Variants in LRRC1 observed in about 807,000 individuals in gnomAD.
The protein encoded by LRRC1 is leucine-rich repeat-containing protein 1.
LRRC1 carries 28 observed loss-of-function variants against 69.9 expected under a neutral mutation model. The observed-to-expected ratio is 0.40, with a 90% CI of 0.30 to 0.55. LRRC1 has a LOEUF of 0.55. Ranked by LOEUF, LRRC1 falls within the 20% of genes least tolerant of loss-of-function variation. LRRC1 has a pLI of 0.47. For missense variants in LRRC1, 498 were observed against 609.0 expected, an observed-to-expected ratio of 0.82 and a Z score of 1.92; for synonymous variants, 236 against 240.2, an observed-to-expected ratio of 0.98 and a Z score of 0.16.
intron 11 of LRRC1, among the ~76,000 whole-genome samples, chr6:53,918,401 T>C (rs955754948): frequency 6.6e-6 from 1 of 152,274 alleles, no homozygotes; most frequent in African/African-American, 2.4e-5. Context: ...GTATTGTTAC[T>C]GTAAAAAGTT....
intron 3 of LRRC1, among the ~76,000 whole-genome samples, chr6:53,881,596 G>A (rs2127430947): frequency 6.6e-6 from 1 of 152,088 alleles, no homozygotes; most frequent in East Asian, 1.9e-4. Flanking sequence ...TGATCTTGTG[G>A]GTCTGGATTT....
At chr6:53,917,001 G>A (rs1768586226) in intron 11 of LRRC1, among the ~76,000 whole-genome samples, 1 of 152,190 alleles carries the variant, frequency 6.6e-6, no homozygotes, top group Admixed American at 6.5e-5. Flanking sequence ...ATAGAACACA[G>A]AGATGCCTGC....
At chr6:53,902,338 G>A (rs1768086582) in intron 8 of LRRC1, among the ~76,000 whole-genome samples, 1 of 152,156 alleles carries the variant, frequency 6.6e-6, no homozygotes, top group African/African-American at 2.4e-5. Context: ...TCCACGGAGA[G>A]AAAGCTGTTT....
intron 1 of LRRC1, among the ~76,000 whole-genome samples, chr6:53,841,096 G>C (rs912583302): frequency 4.6e-5 from 7 of 152,294 alleles, no homozygotes; most frequent in Admixed American, 4.6e-4. Flanking sequence ...AGGGAGAAGA[G>C]AGGGTGGGAT....
intron 1 of LRRC1, among the ~76,000 whole-genome samples, chr6:53,814,261 GA>G (rs1355415491): frequency 6.6e-6 from 1 of 152,152 alleles, no homozygotes; most frequent in African/African-American, 2.4e-5. Flanking sequence ...ATTGTTGTTA[GA>G]TGGTAGTGAA....
chr6:53,877,374 G>A (rs1485397463), intron 2 of LRRC1, among the ~76,000 whole-genome samples: 4 of 152,162 alleles, frequency 2.6e-5, no homozygotes, highest in Non-Finnish European at 5.9e-5. Context: ...AGACATTTTT[G>A]TCATTGTCTC....
intron 2 of LRRC1, among the ~76,000 whole-genome samples, chr6:53,875,754 T>G (rs192087604): frequency 1.3e-5 from 2 of 152,182 alleles, no homozygotes. Context: ...GTTTTTGTTA[T>G]TTTATTATTT....
intron 1 of LRRC1, among the ~76,000 whole-genome samples, chr6:53,834,666 T>C (rs1441761655): frequency 1.3e-5 from 2 of 152,234 alleles, no homozygotes; most frequent in South Asian, 2.1e-4. Context: ...TAAAAAAAAC[T>C]CTACCTCACT....
intron 4 of LRRC1, among the ~76,000 whole-genome samples, chr6:53,893,717 ATAT>A (rs1038691398): frequency 1.3e-4 from 20 of 152,188 alleles, no homozygotes; most frequent in Non-Finnish European, 2.4e-4. Flanking sequence ...TACTTTTGAA[ATAT>A]TATAAAAATA....
rs1768781424 is a variant in LRRC1, at chr6:53,922,882, C to T, written c.*89C>T. On this transcript the variant is annotated 3_prime_UTR_variant, in exon 14 of 14. Transcript: ENST00000370888. ...CCCGGGAGCCTCACGTGCTCCTTGT[C>T]CTAACCAGCCCCCGCGCGCCATCTT... 1.6e-6 allele frequency: 2 copies of T among 1,289,012 alleles called. No homozygotes were observed. Among genetic ancestry groups the T allele is most frequent in the South Asian group, 2.8e-5 (2 of 71,076 alleles). The allele number at this position is 1,289,012 out of a possible 1,614,324, so 79.8% of individuals were successfully genotyped here.
intron 2 of LRRC1, among the ~76,000 whole-genome samples, chr6:53,870,953 C>T (rs920119753): frequency 6.6e-6 from 1 of 152,144 alleles, no homozygotes; most frequent in Non-Finnish European, 1.5e-5. Context: ...TCTATGTTGT[C>T]TCAAATGACA....
chr6:53,852,770 C>T (rs917221469), intron 2 of LRRC1, among the ~76,000 whole-genome samples: 1 of 152,102 alleles, frequency 6.6e-6, no homozygotes, highest in Non-Finnish European at 1.5e-5. Flanking sequence ...AAAAAGTGAT[C>T]CTAAGACATT....
intron 2 of LRRC1, among the ~76,000 whole-genome samples, chr6:53,869,837 A>G (rs1439972651): frequency 6.6e-6 from 1 of 152,254 alleles, no homozygotes; most frequent in Non-Finnish European, 1.5e-5. Flanking sequence ...GAATTCAAGG[A>G]AAGTGCCCCT....
intron 2 of LRRC1, among the ~76,000 whole-genome samples, chr6:53,845,994 A>G (rs1765931357): frequency 6.6e-6 from 1 of 152,212 alleles, no homozygotes. Flanking sequence ...GTTAAAGGGT[A>G]AGATGCTGGA....
chr6:53,848,485 A>C (rs1006861398), intron 2 of LRRC1, among the ~76,000 whole-genome samples: 4 of 152,222 alleles, frequency 2.6e-5, no homozygotes, highest in African/African-American at 9.6e-5. Context: ...CGTTGGGATA[A>C]ACTTTACACA....
intron 2 of LRRC1, among the ~76,000 whole-genome samples, chr6:53,866,473 G>A (rs180908057): frequency 1.3e-5 from 2 of 152,158 alleles, no homozygotes; most frequent in Non-Finnish European, 2.9e-5. Context: ...AATAGAGAAC[G>A]ATATAGGTCT....
intron 2 of LRRC1, among the ~76,000 whole-genome samples, chr6:53,868,522 A>G (rs922948658): frequency 5.3e-5 from 8 of 152,156 alleles, no homozygotes; most frequent in African/African-American, 1.9e-4. Flanking sequence ...CACTGTGCCC[A>G]GCCAATATGA....
chr6:53,845,668 G>C (rs1358856425), intron 2 of LRRC1, among the ~76,000 whole-genome samples: 1 of 152,206 alleles, frequency 6.6e-6, no homozygotes, highest in Non-Finnish European at 1.5e-5. Context: ...GGCCATGGAG[G>C]AGAAAGTCCA....
At chr6:53,916,605 G>A (rs1250407674) in intron 11 of LRRC1, among the ~76,000 whole-genome samples, 11 of 152,038 alleles carry the variant, frequency 7.2e-5, no homozygotes, top group African/African-American at 2.7e-4. Flanking sequence ...GAGGGTACAG[G>A]GAGTTTTCAC....
Sources: allele counts gnomAD v4.1 joint callset (sites outside exome capture counted in the v4.1 genomes callset), GRCh38; gene constraint gnomAD v4.1.1; transcripts MANE v1.5; gene names NCBI Gene and HGNC (gene_info 2026-07-23, HGNC 2026-07-21).